Variants in PDE7A observed in about 807,000 individuals in gnomAD.
PDE7A encodes the protein high affinity 3',5'-cyclic-AMP phosphodiesterase 7A.
PDE7A carries 39 observed loss-of-function variants against 64.3 expected under a neutral mutation model. The observed-to-expected ratio is 0.61, with a 90% confidence interval of 0.47 to 0.79. PDE7A has a LOEUF of 0.79. PDE7A is among the 30% of genes least tolerant of loss of function. PDE7A has a pLI of 0.00. For missense variants in PDE7A, 470 were observed against 582.8 expected (o/e 0.81, Z 1.99); for synonymous variants, 203 against 206.8 (o/e 0.98, Z 0.16).
At chr8:65,760,141 G>A (rs1030141002) in intron 3 of PDE7A, among the ~76,000 whole-genome samples, 1 of 152,148 alleles carries the variant, frequency 6.6e-6, no homozygotes, top group Non-Finnish European at 1.5e-5. Flanking sequence ...TTGAGAGGCT[G>A]AAACAGGAGA....
intron 7 of PDE7A, among the ~76,000 whole-genome samples, chr8:65,729,962 G>GT (rs968274164): frequency 1.3e-5 from 2 of 151,836 alleles, no homozygotes; most frequent in Non-Finnish European, 2.9e-5. Flanking sequence ...GGACAAGGCG[G>GT]TCCTCGCAGG....
chr8:65,722,512 G>C (rs1177682479), intron 12 of PDE7A: 14 of 152,196 alleles, frequency 9.2e-5, no homozygotes, highest in Non-Finnish European at 1.6e-4. Context: ...ACTGTGTTCA[G>C]TCTGATTCTC....
chr8:65,723,950 T>G (rs1806500047), intron 11 of PDE7A, among the ~76,000 whole-genome samples: 1 of 152,208 alleles, frequency 6.6e-6, no homozygotes, highest in Admixed American at 6.5e-5. Flanking sequence ...CATGTTCATA[T>G]GGCCCTCCAC....
chr8:65,836,008 T>C (rs932069189), intron 1 of PDE7A, among the ~76,000 whole-genome samples: 1 of 152,130 alleles, frequency 6.6e-6, no homozygotes, highest in African/African-American at 2.4e-5. Flanking sequence ...TAAAGTATGG[T>C]AGTATTAAAT....
chr8:65,730,949 C>T (rs1806859580), intron 7 of PDE7A, among the ~76,000 whole-genome samples: 1 of 152,024 alleles, frequency 6.6e-6, no homozygotes, highest in Non-Finnish European at 1.5e-5. Context: ...AAAATAAAAA[C>T]ATAAAAACAG....
At chr8:65,776,621 TTTAG>T (rs1422554775) in intron 3 of PDE7A, among the ~76,000 whole-genome samples, 7 of 152,218 alleles carry the variant, frequency 4.6e-5, no homozygotes, top group Admixed American at 2.6e-4. Context: ...TATACATATC[TTTAG>T]TTAGATTTAT....
In PDE7A at chr8:65,727,235, C is replaced by A. The variant is rs748532944; in HGVS notation, c.763G>T (p.Asp255Tyr). The change falls in exon 8 of 13, where the codon GAT becomes TAT. Residue 255 changes from aspartate (D) to tyrosine (Y), a missense_variant. Transcript: ENST00000401827. ...SLIAAATHDL[D>Y]HPGVNQPFLI... ...AAAGGTTGATTAACACCTGGATGAT[C>A]CAGATCATGAGTGGCAGCTGCAATT... is the stretch of plus-strand genomic sequence containing the variant. The A allele has an allele frequency of 6.2e-7, 1 of 1,613,828 alleles. No homozygotes were observed. Among genetic ancestry groups the A allele is most frequent in the Non-Finnish European group, 8.5e-7 (1 of 1,179,828 alleles).
At chr8:65,727,417 C>G in intron 7 of PDE7A, 116 bp from the exon 8 acceptor site, 2 of 1,436,022 alleles carry the variant, frequency 1.4e-6, no homozygotes, top group Non-Finnish European at 1.9e-6. Context: ...TCCCCCTTCA[C>G]GTCATTCCTC....
intron 3 of PDE7A, chr8:65,771,018 A>C: frequency 2.7e-6 from 1 of 367,708 alleles, no homozygotes; most frequent in Admixed American, 3.4e-5. Flanking sequence ...ATAAATTTAT[A>C]AGCCTTAAGA....
intron 1 of PDE7A, among the ~76,000 whole-genome samples, chr8:65,802,983 A>ATAATG (rs1019433010): frequency 7.2e-5 from 11 of 152,170 alleles, no homozygotes; most frequent in African/African-American, 2.7e-4. Context: ...CTTTTGCCAC[A>ATAATG]TAATGTGCCT....
chr8:65,781,571 AC>A (rs1809421047), intron 2 of PDE7A, among the ~76,000 whole-genome samples: 1 of 152,194 alleles, frequency 6.6e-6, no homozygotes, highest in South Asian at 2.1e-4. Context: ...AAAGGTATCA[AC>A]CAGTAGGATC....
chr8:65,838,192 G>A (rs76560471), intron 1 of PDE7A, among the ~76,000 whole-genome samples: 9,575 of 152,200 alleles, frequency 0.063, 378 homozygotes, highest in Middle Eastern at 0.11. Context: ...ACCCATCAAT[G>A]TACTCACTCA....
At chr8:65,798,207 T>TATATATATATA (rs552708184) in intron 1 of PDE7A, among the ~76,000 whole-genome samples, 136 of 15,424 alleles carry the variant, frequency 8.8e-3, no homozygotes, top group African/African-American at 0.025. Context: ...TATATATATA[T>TATATATATATA]TTTTTTTTTT....
Position 65,841,427 on chromosome 8 carries a change from T to G in PDE7A, c.82A>C (p.Ser28Arg). The G allele has an allele frequency of 6.4e-7, 1 of 1,564,190 alleles. No homozygotes were observed. The highest frequency in any genetic ancestry group is 1.2e-5 in the South Asian group (1 of 85,814). ...AAGAGAGCGGAGCTGGAGCTGAAGC[T>G]GATGGCTCCTCGGCGGCTGAGGACG... ...QHVLSRRGAI[S>R]FSSSSALFGC... The change falls in exon 1 of 13, where the codon AGC becomes CGC. Residue 28 changes from serine to arginine, a missense_variant. Ser to Arg is a moderately radical substitution (Grantham distance 110). Transcript: ENST00000401827.
chr8:65,723,567 G>T lies in PDE7A; in HGVS notation c.1217C>A (p.Thr406Asn). 1 of 1,583,048 alleles carries T rather than the reference G, an allele frequency of 6.3e-7. No individual in the cohort carries two copies. Among genetic ancestry groups the T allele is most frequent in the South Asian group, 1.2e-5 (1 of 83,768 alleles). ...AATCTGGATGTTGGCAATAGATTCAGTGTGACGATCGCAAAGTGGACTCAC... is the reference window on the plus strand; with the variant it reads ...AATCTGGATGTTGGCAATAGATTCATTGTGACGATCGCAAAGTGGACTCAC... ...LGVSPLCDRH[T>N]ESIANIQIGF... The change falls in exon 12 of 13, where the codon ACT (threonine) becomes AAT (asparagine). Residue 406 changes from threonine to asparagine, a missense_variant. Coordinates refer to ENST00000401827, the MANE Select transcript of PDE7A (RefSeq NM_001242318.3).
At chr8:65,774,230 C>T (rs892458071) in intron 3 of PDE7A, among the ~76,000 whole-genome samples, 3 of 152,142 alleles carry the variant, frequency 2.0e-5, no homozygotes, top group Non-Finnish European at 4.4e-5. Flanking sequence ...CCCACTATCG[C>T]TGAAGTATTA....
In PDE7A at chr8:65,788,108, T is replaced by G. The variant is rs114508456; in HGVS notation, c.139-5265A>C. Among the ~76,000 whole-genome samples, 638 of 152,216 alleles carry G rather than the reference T, an allele frequency of 4.2e-3. 3 individuals carry two copies. The highest frequency in any genetic ancestry group is 0.015 in the African/African-American group (623 of 41,550). On this transcript the variant is annotated intron_variant, in intron 1 of 12. Transcript: ENST00000401827. ...TCTTGCTTGAGAAAGAAAATTAACT[T>G]TATAGAAGCTTTGTTTCTAAGTGAT...
chr8:65,729,706 G>A (rs1312883809), intron 7 of PDE7A, among the ~76,000 whole-genome samples: 2 of 151,114 alleles, frequency 1.3e-5, no homozygotes, highest in East Asian at 1.9e-4. Flanking sequence ...GGGATTATAG[G>A]CGCCTACCAC....
At position 65,769,720 on chromosome 8, in the gene PDE7A, ACCCCGTCTC is replaced by A. The variant is rs576230267; in HGVS notation, c.283+9991_283+9999del. On this transcript the variant is annotated intron_variant, in intron 3 of 12. Coordinates refer to ENST00000401827, the MANE Select transcript of PDE7A (RefSeq NM_001242318.3). ...ACACCAGCCTGGCCAACATAGTGAA[ACCCCGTCTC>A]TACTGAAAATACAAATATTAGCCGG... is the stretch of plus-strand genomic sequence containing the variant. 2.4e-4 allele frequency among the ~76,000 whole-genome samples: 37 copies of A among 152,290 alleles called. 1 individual carries two copies. In the South Asian group the frequency reaches 7.0e-3, roughly 29 times the overall value.
Sources: gnomAD v4.1 joint callset for allele counts (sites outside exome capture counted in the v4.1 genomes callset) on GRCh38, gnomAD v4.1.1 for gene constraint, MANE v1.5 for transcripts, NCBI Gene and HGNC (gene_info 2026-07-23, HGNC 2026-07-21) for gene names.